The following HDGFL2 variants were observed in gnomAD, a reference collection of about 807,000 sequenced individuals.
HDGFL2 encodes hepatoma-derived growth factor-related protein 2.
Under a neutral mutation model 77.1 loss-of-function variants are expected in HDGFL2, and 36 were observed. That is an observed-to-expected ratio of 0.47 (90% CI 0.36 to 0.62). The LOEUF is 0.62. Among genes scored for constraint, HDGFL2 ranks in the 20% least tolerant of loss-of-function variants. HDGFL2 has a pLI of 0.00. For missense variants in HDGFL2, 976 were observed against 973.4 expected, an observed-to-expected ratio of 1.00 and a Z score of -0.04; for synonymous variants, 463 against 413.1, an observed-to-expected ratio of 1.12 and a Z score of -1.46.
chr19:4,495,385 CAAAAAAAAAA>C (rs747305046), intron 9 of HDGFL2, among the ~76,000 whole-genome samples: 1 of 54,234 alleles, frequency 1.8e-5, no homozygotes, highest in African/African-American at 8.2e-5. Context: ...GACTCCATCT[CAAAAAAAAAA>C]AAAAAAAAAA....
intron 10 of HDGFL2, 28 bp from the exon 11 acceptor site, chr19:4,497,930 C>T (rs773405195): frequency 1.9e-6 from 3 of 1,545,556 alleles, no homozygotes; most frequent in South Asian, 2.4e-5. Flanking sequence ...GGTGACGGGG[C>T]CCGACTGAGG....
Position 4,493,701 on chromosome 19 carries a change from A to G in HDGFL2, c.679-2A>G, listed in dbSNP as rs748646704. 77 of 1,460,730 alleles carry G rather than the reference A, an allele frequency of 5.3e-5. No homozygotes were observed. In the Middle Eastern group the frequency reaches 1.1e-3, roughly 21 times the overall value. The allele number at this position is 1,460,730 out of a possible 1,614,324, so 90.5% of individuals were successfully genotyped here. On this transcript the variant is annotated splice_acceptor_variant, in intron 6 of 15. Transcript: ENST00000616600. LOFTEE classifies it high-confidence loss of function. ...CTCACGCCTGTCCCTGCTTCTCCCC[A>G]GAAGGCGCCATCAGCCTCCGACTCC...
Position 4,496,311 on chromosome 19 carries a change from T to C in HDGFL2, c.1234T>C (p.Ser412Pro). Residue 412 changes from serine (S) to proline (P), a missense_variant, in exon 10 of 16, where the codon TCA becomes CCA. This residue lies in a region of HDGFL2 where 567 missense variants were observed against 534.7 expected (regional missense o/e 1.06). Coordinates refer to ENST00000616600, the MANE Select transcript of HDGFL2 (RefSeq NM_001001520.3). ...EAELEREAKK[S>P]AKKPQSSSTE... ...TTCCTGACTGCTATAGGCCAAGAAA[T>C]CAGCGAAGAAGCCGCAGTCCTCAAG... is the stretch of plus-strand genomic sequence containing the variant. The C allele has an allele frequency of 6.2e-7, 1 of 1,613,968 alleles. No homozygotes were observed. Among genetic ancestry groups the C allele is most frequent in the South Asian group, 1.1e-5 (1 of 91,078 alleles).
chr19:4,498,096 C>A, intron 11 of HDGFL2, 65 bp downstream of exon 11: 2 of 1,429,062 alleles, frequency 1.4e-6, no homozygotes, highest in Non-Finnish European at 1.9e-6. Context: ...ACAGCCGTGG[C>A]GTGGCTGGCC....
intron 12 of HDGFL2, 67 bp from the exon 13 acceptor site, chr19:4,498,747 C>A (rs367608684): frequency 3.8e-6 from 4 of 1,060,804 alleles, no homozygotes; most frequent in Non-Finnish European, 5.7e-6. Flanking sequence ...CTCCACCCAT[C>A]GGGGCCCTGG....
intron 3 of HDGFL2, among the ~76,000 whole-genome samples, chr19:4,484,344 A>G (rs1002900669): frequency 2.6e-5 from 4 of 151,794 alleles, no homozygotes; most frequent in Admixed American, 2.6e-4. Context: ...TCGGCCTACC[A>G]AAGTGCTGGG....
rs201742572 is a variant in HDGFL2 at position 4,491,841 on chromosome 19, G to A, written c.678+6G>A. 1.7e-3 allele frequency: 2,787 copies of A among 1,612,924 alleles called. 7 individuals are homozygous for A. The highest frequency in any genetic ancestry group is 2.2e-3 in the Non-Finnish European group (2,577 of 1,179,084). On this transcript the variant is annotated splice_donor_region_variant and intron_variant, in intron 6 of 15. Transcript: ENST00000616600. ...TGGGGGGACGGAAAAAAAAGGTAGC[G>A]TGCACTTGACTTTGTTTCCCATGCC...
intron 1 of HDGFL2, among the ~76,000 whole-genome samples, chr19:4,474,272 C>G (rs1975014540): frequency 6.6e-6 from 1 of 152,120 alleles, no homozygotes; most frequent in South Asian, 2.1e-4. Context: ...AGGTCCGAAG[C>G]TGGCAATGCC....
At chr19:4,486,153 G>A (rs1038115881) in intron 3 of HDGFL2, among the ~76,000 whole-genome samples, 16 of 152,026 alleles carry the variant, frequency 1.1e-4, no homozygotes, top group East Asian at 5.8e-4. Context: ...GCAATCACTC[G>A]GTCAGGTGTT....
chr19:4,499,389 G>C, intron 13 of HDGFL2, 102 bp from the exon 14 acceptor site: 2 of 990,672 alleles, frequency 2.0e-6, no homozygotes, highest in African/African-American at 1.6e-5. Flanking sequence ...CTGTGCTCCC[G>C]GGAGGGGCTG....
At position 4,493,832 on chromosome 19, in the gene HDGFL2, G is replaced by C; in HGVS notation, c.808G>C (p.Val270Leu). The change falls in exon 7 of 16, where the codon GTG (valine) becomes CTG (leucine). Residue 270 changes from valine (V) to leucine (L), a missense_variant. By Grantham distance (32) the Val-to-Leu change is conservative. Coordinates refer to ENST00000616600, the MANE Select transcript of HDGFL2 (RefSeq NM_001001520.3). ...SSSSSDSDVS[V>L]KKPPRGRKPA... ...CTCCTCCTCCGACTCCGATGTGTCT[G>C]TGAAGAAGCCTCCGAGGGGCAGGAA... The C allele has an allele frequency of 6.6e-7, 1 of 1,526,518 alleles. No homozygotes were observed. The highest frequency in any genetic ancestry group is 8.8e-7 in the Non-Finnish European group (1 of 1,132,864). The allele number at this position is 1,526,518 out of a possible 1,614,324, so 94.6% of individuals were successfully genotyped here.
At chr19:4,472,464 GGGGCAGC>G in intron 1 of HDGFL2, 42 bp downstream of exon 1, 6 of 289,822 alleles carry the variant, frequency 2.1e-5, no homozygotes, top group Non-Finnish European at 2.3e-5. Context: ...GGGGGGGGGG[GGGGCAGC>G]GGGGGCCCCG....
chr19:4,499,638 C>G lies in HDGFL2; in HGVS notation c.1723C>G (p.Leu575Val). 6.3e-7 allele frequency: 1 copy of G among 1,579,372 alleles called. No individual in the cohort carries two copies. The highest frequency in any genetic ancestry group is 2.3e-5 in the East Asian group (1 of 43,492). Reference protein sequence around the residue: ...GMEKEKAEEKLAGEELAGEEA... With the variant: ...GMEKEKAEEKVAGEELAGEEA... ...GGAGAAGGAGAAGGCCGAGGAGAAG[C>G]TGGCCGGGGAGGAGCTGGCCGGGGA... is the stretch of plus-strand genomic sequence containing the variant. The change falls in exon 14 of 16, where the codon CTG becomes GTG. Residue 575 changes from leucine (L) to valine (V), a missense_variant. Leu to Val is a conservative substitution (Grantham distance 32). This residue lies in a region of HDGFL2 where 229 missense variants were observed against 187.3 expected (regional missense o/e 1.22). Coordinates refer to ENST00000616600, the MANE Select transcript of HDGFL2 (RefSeq NM_001001520.3).
rs1975763041 is a variant in HDGFL2, at chr19:4,498,292, C to G, written c.1403-14C>G. The G allele has an allele frequency of 1.2e-6, 2 of 1,611,486 alleles. No homozygotes were observed. Among genetic ancestry groups the G allele is most frequent in the Middle Eastern group, 1.7e-4 (1 of 5,806 alleles). On this transcript the variant is annotated splice_polypyrimidine_tract_variant and intron_variant, in intron 11 of 15. Transcript: ENST00000616600. ...CCTGCCTGGGCCCACACGGTGCTCT[C>G]TCTCCTGGCCCAGAGCCCTCCGTGG...
At chr19:4,499,815 T>C (rs2145219269) in intron 14 of HDGFL2, 111 bp downstream of exon 14, 1 of 883,172 alleles carries the variant, frequency 1.1e-6, no homozygotes, top group East Asian at 2.6e-5. Flanking sequence ...GCCCCAAACC[T>C]GCCAGAGTGT....
At chr19:4,481,166 C>T (rs1264495483) in intron 3 of HDGFL2, among the ~76,000 whole-genome samples, 1 of 143,768 alleles carries the variant, frequency 7.0e-6, no homozygotes, top group Non-Finnish European at 1.5e-5. Context: ...GGACTACAGG[C>T]GTCCCCCACC....
chr19:4,487,655 G>A (rs35602205), intron 3 of HDGFL2, among the ~76,000 whole-genome samples: 3,205 of 152,238 alleles, frequency 0.021, 48 homozygotes, highest in Non-Finnish European at 0.035. Flanking sequence ...AGGGTCTCCC[G>A]CTAGAAAACC....
At chr19:4,488,626 A>G in intron 3 of HDGFL2, 50 bp from the exon 4 acceptor site, 3 of 1,490,230 alleles carry the variant, frequency 2.0e-6, no homozygotes, top group East Asian at 2.5e-5. Context: ...TGATGGGGAA[A>G]TCCACCCACG....
intron 3 of HDGFL2, among the ~76,000 whole-genome samples, chr19:4,488,115 C>T (rs1301397745): frequency 1.3e-5 from 2 of 152,094 alleles, no homozygotes; most frequent in African/African-American, 2.4e-5. Context: ...GGATTACAGG[C>T]GCCCACCACC....
Sources: allele counts gnomAD v4.1 joint callset (sites outside exome capture counted in the v4.1 genomes callset), GRCh38; gene constraint gnomAD v4.1.1; regional missense constraint gnomAD v4.1.1; transcripts MANE v1.5; gene names NCBI Gene and HGNC (gene_info 2026-07-23, HGNC 2026-07-21).